CYBB: variants seen among roughly 807,000 people sequenced by gnomAD.
The protein encoded by CYBB is cytochrome b-245 beta chain, also known as NADPH oxidase 2.
A neutral mutation model predicts 46.5 loss-of-function variants in CYBB; 5 were observed. That is an observed-to-expected ratio of 0.11 (90% CI 0.06 to 0.23). The LOEUF (loss-of-function observed/expected upper bound fraction) is 0.23. Ranked by LOEUF, CYBB falls within the 10% of genes least tolerant of loss-of-function variation. CYBB has a pLI of 1.00. For missense variants in CYBB, 307 were observed against 428.3 expected (o/e 0.72, Z 2.50); for synonymous variants, 183 against 156.7 (o/e 1.17, Z -1.26).
chrX:37,804,944 G>A, intron 9 of CYBB, 62 bp from the exon 10 acceptor site: 1 of 1,076,879 alleles, frequency 9.3e-7, no homozygotes, highest in Non-Finnish European at 1.3e-6. Flanking sequence ...AATTATGGGT[G>A]CCCCATCTCA....
chrX:37,799,199 G>A (rs1569479577), intron 7 of CYBB, 115 bp downstream of exon 7: 1 of 733,007 alleles, frequency 1.4e-6, no homozygotes, highest in East Asian at 3.3e-5. Flanking sequence ...CAAATGTCAT[G>A]GAACAGCTAA....
intron 1 of CYBB, among the ~76,000 whole-genome samples, chrX:37,780,577 A>G (rs1303206884): frequency 2.7e-5 from 3 of 111,247 alleles, no homozygotes; most frequent in Non-Finnish European, 5.7e-5. Context: ...ATATAATAAA[A>G]CTTCTCAAAT....
chrX:37,795,834 T>C (rs1309397413), intron 5 of CYBB, 117 bp from the exon 6 acceptor site: 5 of 534,154 alleles, frequency 9.4e-6, no homozygotes, highest in Non-Finnish European at 1.6e-5. Flanking sequence ...GTTCTATACA[T>C]TGGACACTTT....
Position 37,809,660 on chromosome X carries a change from G to A in CYBB, c.1555G>A (p.Glu519Lys). ...TLYGRPNWDN[E>K]FKTIASQHPN... ...GTATGGACGGCCCAACTGGGATAAT[G>A]AATTCAAGACAATTGCAAGTCAACA... is the stretch of plus-strand genomic sequence containing the variant. Residue 519 changes from glutamate (E) to lysine (K), a missense_variant, in exon 12 of 13, where the codon GAA (glutamate) becomes AAA (lysine). This residue lies in a region of CYBB where 122 missense variants were observed against 208.3 expected (regional missense o/e 0.59). Transcript: ENST00000378588. 1.7e-6 allele frequency: 2 copies of A among 1,209,037 alleles called. No homozygotes were observed. The highest frequency in any genetic ancestry group is 1.1e-6 in the Non-Finnish European group (1 of 894,083).
intron 5 of CYBB, 52 bp from the exon 6 acceptor site, chrX:37,795,889 CATGTGTGTGT>C (rs1289703452): frequency 3.3e-4 from 225 of 689,495 alleles, no homozygotes; most frequent in African/African-American, 4.1e-4. Context: ...TGCTTGCGCA[CATGTGTGTGT>C]GTGTGTGTGT....
intron 8 of CYBB, among the ~76,000 whole-genome samples, chrX:37,803,441 A>C (rs1929487826): frequency 9.0e-6 from 1 of 111,064 alleles, no homozygotes; most frequent in South Asian, 3.8e-4. Context: ...CTGATTTCTT[A>C]TGTTGGATTC....
chrX:37,799,701 G>C (rs191336844), intron 7 of CYBB, among the ~76,000 whole-genome samples: 1 of 111,448 alleles, frequency 9.0e-6, no homozygotes, highest in East Asian at 2.9e-4. Flanking sequence ...CTTCTATTGG[G>C]AGCTCTGAAG....
At chrX:37,801,587 TGTG>T (rs1929441065) in intron 8 of CYBB, among the ~76,000 whole-genome samples, 1 of 41,095 alleles carries the variant, frequency 2.4e-5, no homozygotes, top group Non-Finnish European at 4.2e-5. Flanking sequence ...CCCCACCCAT[TGTG>T]TGTGTGTGTG....
chrX:37,791,408 G>A (rs781867714), intron 3 of CYBB, among the ~76,000 whole-genome samples: 1 of 111,952 alleles, frequency 8.9e-6, no homozygotes, highest in South Asian at 3.7e-4. Flanking sequence ...CTTGGTAAAT[G>A]TTAGCTATTG....
chrX:37,796,428 G>C (rs1052471701), intron 6 of CYBB, among the ~76,000 whole-genome samples: 3 of 111,807 alleles, frequency 2.7e-5, no homozygotes, highest in African/African-American at 9.8e-5. Context: ...GAGAGCACTG[G>C]TAGGATCTGG....
rs782807990 is a variant in CYBB at position 37,799,092 on chromosome X, C to CAATT, written c.804+9_804+12dup. 2 of 1,200,647 alleles carry CAATT rather than the reference C, an allele frequency of 1.7e-6. No individual in the cohort carries two copies. The highest frequency in any genetic ancestry group is 3.5e-5 in the South Asian group (2 of 56,787). ...GCTGGAAACCCTCCTATGGTATGTA[C>CAATT]AATTCATTGTTGTTATTACAGTTTC... On this transcript the variant is annotated intron_variant, in intron 7 of 12. Coordinates refer to ENST00000378588, the MANE Select transcript of CYBB (RefSeq NM_000397.4).
In CYBB at chrX:37,810,936, A is replaced by G; in HGVS notation, c.*19A>G. ...CTTCTAACTTGTCTCTTCCATGAGG[A>G]AATAAATGTGGGTTGTGCTGCCAAA... On this transcript the variant is annotated 3_prime_UTR_variant, in exon 13 of 13. Transcript: ENST00000378588. 1 of 1,198,489 alleles carries G rather than the reference A, an allele frequency of 8.3e-7. No individual in the cohort carries two copies. Among genetic ancestry groups the G allele is most frequent in the Non-Finnish European group, 1.1e-6 (1 of 884,551 alleles).
intron 11 of CYBB, among the ~76,000 whole-genome samples, chrX:37,809,046 G>A (rs1298884842): frequency 6.2e-5 from 7 of 112,064 alleles, no homozygotes; most frequent in East Asian, 2.8e-4. Flanking sequence ...ACATATGTGC[G>A]TGCACACACA....
At chrX:37,796,745 A>C (rs1929316866) in intron 6 of CYBB, among the ~76,000 whole-genome samples, 1 of 111,651 alleles carries the variant, frequency 9.0e-6, no homozygotes, top group African/African-American at 3.3e-5. Context: ...TAACCCCCAA[A>C]ATGTATAGAT....
Position 37,810,959 on chromosome X carries a change from A to C in CYBB, c.*42A>C. ...GGAAATAAATGTGGGTTGTGCTGCC[A>C]AATGCTCAAATAATGCTAATTGATA... On this transcript the variant is annotated 3_prime_UTR_variant, in exon 13 of 13. Coordinates refer to ENST00000378588, the MANE Select transcript of CYBB (RefSeq NM_000397.4). 8.8e-7 allele frequency: 1 copy of C among 1,141,149 alleles called. No homozygotes were observed. Among genetic ancestry groups the C allele is most frequent in the Non-Finnish European group, 1.2e-6 (1 of 834,963 alleles). 94.0% of individuals were successfully genotyped at this position (1,141,149 alleles called of 1,213,427 possible). A position where few individuals can be genotyped will look rare whatever the true frequency, so the allele number is the denominator to read the frequency against.
Position 37,792,017 on chromosome X carries a change from A to G in CYBB, c.295A>G (p.Thr99Ala). ...RVRRQLDRNL[T>A]FHKMVAWMIA... ...TCGAAGACAACTGGACAGGAATCTC[A>G]CCTTTCATAAAATGGTGGCATGGAT... The change falls in exon 4 of 13, where the codon ACC (threonine) becomes GCC (alanine). Residue 99 changes from threonine (T) to alanine (A), a missense_variant. Physicochemically the swap from Thr to Ala is moderately conservative, Grantham distance 58. Coordinates refer to ENST00000378588, the MANE Select transcript of CYBB (RefSeq NM_000397.4). 1 of 1,207,400 alleles carries G rather than the reference A, an allele frequency of 8.3e-7. No individual in the cohort carries two copies. The highest frequency in any genetic ancestry group is 1.1e-6 in the Non-Finnish European group (1 of 891,812).
rs1424978098 is a variant in CYBB, at chrX:37,810,994, C to A, written c.*77C>A. 1 of 951,720 alleles carries A rather than the reference C, an allele frequency of 1.1e-6. No individual in the cohort carries two copies. Among genetic ancestry groups the A allele is most frequent in the Non-Finnish European group, 1.5e-6 (1 of 675,059 alleles). 78.4% of individuals were successfully genotyped at this position (951,720 alleles called of 1,213,427 possible). On this transcript the variant is annotated 3_prime_UTR_variant, in exon 13 of 13. Transcript: ENST00000378588. Reference sequence around the variant, plus strand: ...ATAATGCTAATTGATAATATAAATACCCCCTGCTTAAAAATGGACAAAAAG... The same window carrying A: ...ATAATGCTAATTGATAATATAAATAACCCCTGCTTAAAAATGGACAAAAAG...
At chrX:37,791,945 C>T (rs782779007) in intron 3 of CYBB, 30 bp from the exon 4 acceptor site, 7 of 1,080,274 alleles carry the variant, frequency 6.5e-6, no homozygotes, top group Non-Finnish European at 7.7e-6. Flanking sequence ...TTAACAATTA[C>T]TATTCCATTC....
rs1929379347 is a variant in CYBB, at chrX:37,799,060, T to C, written c.780T>C (p.Pro260=). ...GAAAAATAAAGGAATGCCCAATCCC[T>C]CAGTTTGCTGGAAACCCTCCTATGG... The part of the protein sequence containing the change: ...EWGKIKECPI[P]QFAGNPPMTW... The change falls in exon 7 of 13, where the codon CCT becomes CCC. Residue 260 remains proline (P), a synonymous_variant. Coordinates refer to ENST00000378588, the MANE Select transcript of CYBB (RefSeq NM_000397.4). The C allele has an allele frequency of 1.7e-6, 2 of 1,206,819 alleles. No individual in the cohort carries two copies. The highest frequency in any genetic ancestry group is 2.2e-6 in the Non-Finnish European group (2 of 892,491).
Sources: allele counts gnomAD v4.1 joint callset (sites outside exome capture counted in the v4.1 genomes callset), GRCh38; gene constraint gnomAD v4.1.1; regional missense constraint gnomAD v4.1.1; transcripts MANE v1.5; gene names NCBI Gene and HGNC (gene_info 2026-07-23, HGNC 2026-07-21).